SEMA3D: variants seen among roughly 807,000 people sequenced by gnomAD.
The protein encoded by SEMA3D is semaphorin-3D.
Under a neutral mutation model 100.1 loss-of-function variants are expected in SEMA3D, and 84 were observed. The ratio of observed to expected loss-of-function variants is 0.84; its 90% confidence interval spans 0.70 to 1.01. SEMA3D has a LOEUF of 1.01. Ranked by LOEUF, SEMA3D falls within the 50% of genes least tolerant of loss-of-function variation. SEMA3D has a pLI of 0.00. For synonymous variants in SEMA3D, 312 were observed against 320.7 expected, an observed-to-expected ratio of 0.97 and a Z score of 0.29; for missense variants, 875 against 934.1, an observed-to-expected ratio of 0.94 and a Z score of 0.82.
chr7:85,237,931 G>A, the SEMA3D span, among the ~76,000 whole-genome samples: 1 of 152,158 alleles, frequency 6.6e-6, no homozygotes, highest in Admixed American at 6.5e-5. Context: ...CCACCATTTG[G>A]TGTTGTCAGT....
At chr7:85,041,579 T>C (rs1351268495) in intron 10 of SEMA3D, 1 of 152,082 alleles carries the variant, frequency 6.6e-6, no homozygotes, top group Non-Finnish European at 1.5e-5. Flanking sequence ...CATTTTTACA[T>C]TACATGGCAA....
chr7:85,065,847 C>T (rs1024514614), intron 7 of SEMA3D, among the ~76,000 whole-genome samples: 1 of 152,184 alleles, frequency 6.6e-6, no homozygotes, highest in Admixed American at 6.6e-5. Flanking sequence ...TCCTCTTTCT[C>T]TTCTCCCCAC....
At chr7:85,144,553 A>G in intron 2 of SEMA3D, 1 of 985,092 alleles carries the variant, frequency 1.0e-6, no homozygotes, top group Non-Finnish European at 1.2e-6. Context: ...AATGAACACA[A>G]TTCTCACAAC....
intron 6 of SEMA3D, among the ~76,000 whole-genome samples, chr7:85,071,686 G>A (rs777309114): frequency 1.4e-4 from 21 of 152,144 alleles, no homozygotes; most frequent in Non-Finnish European, 2.6e-4. Flanking sequence ...TTACAAACAT[G>A]TACAGCTTGT....
the SEMA3D span, among the ~76,000 whole-genome samples, chr7:85,244,337 G>C: frequency 6.6e-6 from 1 of 152,054 alleles, no homozygotes; most frequent in South Asian, 2.1e-4. Flanking sequence ...TCATGAGGGT[G>C]GTACCCTCAT....
intron 2 of SEMA3D, among the ~76,000 whole-genome samples, chr7:85,130,262 A>G (rs1583952368): frequency 6.6e-6 from 1 of 152,164 alleles, no homozygotes; most frequent in East Asian, 1.9e-4. Flanking sequence ...TCAACAATTG[A>G]TGATGACTTA....
chr7:85,066,915 G>T (rs549856322), intron 7 of SEMA3D, among the ~76,000 whole-genome samples: 29 of 108,792 alleles, frequency 2.7e-4, no homozygotes, highest in Non-Finnish European at 3.3e-4. Flanking sequence ...CACACACACA[G>T]AGAGAGAGAG....
intron 2 of SEMA3D, among the ~76,000 whole-genome samples, chr7:85,126,236 T>C (rs372807737): frequency 6.6e-6 from 1 of 152,164 alleles, no homozygotes; most frequent in Non-Finnish European, 1.5e-5. Flanking sequence ...TTTATTCATA[T>C]GCATTGGTTC....
intron 12 of SEMA3D, among the ~76,000 whole-genome samples, chr7:85,034,123 T>C (rs747148253): frequency 1.3e-5 from 2 of 152,058 alleles, no homozygotes; most frequent in East Asian, 3.9e-4. Context: ...TCCTCATCTG[T>C]ATAATGGAAT....
At chr7:85,084,268 T>A (rs1453920766) in intron 4 of SEMA3D, among the ~76,000 whole-genome samples, 2 of 152,238 alleles carry the variant, frequency 1.3e-5, no homozygotes, top group Non-Finnish European at 2.9e-5. Context: ...ATTATTATTT[T>A]TAATTTTGGT....
intron 4 of SEMA3D, among the ~76,000 whole-genome samples, chr7:85,082,764 AG>A (rs1306037579): frequency 6.6e-6 from 1 of 152,246 alleles, no homozygotes; most frequent in African/African-American, 2.4e-5. Flanking sequence ...CATTCAAAAT[AG>A]ACAAATACAA....
chr7:85,162,528 T>G (rs989298489), intron 1 of SEMA3D, among the ~76,000 whole-genome samples: 3 of 152,126 alleles, frequency 2.0e-5, no homozygotes, highest in African/African-American at 7.2e-5. Context: ...AAGAATGACA[T>G]GTCATAGTTG....
chr7:85,207,817 T>A, the SEMA3D span, among the ~76,000 whole-genome samples: 2 of 152,074 alleles, frequency 1.3e-5, no homozygotes, highest in South Asian at 2.1e-4. Context: ...ATGAAATTCA[T>A]CCTTGCCACT....
chr7:85,215,395 G>A, the SEMA3D span, among the ~76,000 whole-genome samples: 3 of 152,098 alleles, frequency 2.0e-5, no homozygotes, highest in Admixed American at 2.0e-4. Flanking sequence ...GTATGACAGA[G>A]CTAGTTATCT....
At chr7:85,168,861 G>T (rs1017474869) in intron 1 of SEMA3D, among the ~76,000 whole-genome samples, 2 of 131,158 alleles carry the variant, frequency 1.5e-5, no homozygotes, top group South Asian at 5.3e-4. Flanking sequence ...AAGAAAGAAA[G>T]AAAGAAAGAA....
At chr7:85,074,629 A>G (rs1791870710) in intron 5 of SEMA3D, among the ~76,000 whole-genome samples, 1 of 148,686 alleles carries the variant, frequency 6.7e-6, no homozygotes, top group African/African-American at 2.5e-5. Flanking sequence ...TGGCATATAT[A>G]TATATATATT....
the SEMA3D span, among the ~76,000 whole-genome samples, chr7:85,218,710 AT>A: frequency 1.1e-3 from 168 of 152,242 alleles, no homozygotes; most frequent in South Asian, 2.9e-3. Flanking sequence ...GTAATATTGT[AT>A]TTCTATCATG....
At chr7:85,076,760 CG>C (rs1791934923) in intron 5 of SEMA3D, among the ~76,000 whole-genome samples, 1 of 152,202 alleles carries the variant, frequency 6.6e-6, no homozygotes, top group South Asian at 2.1e-4. Flanking sequence ...TAGAAGTTCT[CG>C]GACAGGATCC....
intron 12 of SEMA3D, among the ~76,000 whole-genome samples, chr7:85,027,124 T>TA (rs1790412537): frequency 6.6e-6 from 1 of 152,074 alleles, no homozygotes; most frequent in African/African-American, 2.4e-5. Context: ...CTTGATATGT[T>TA]AGAGTAAAAA....
Sources: gnomAD v4.1 joint callset for allele counts (sites outside exome capture counted in the v4.1 genomes callset) on GRCh38, gnomAD v4.1.1 for gene constraint, MANE v1.5 for transcripts, NCBI Gene and HGNC (gene_info 2026-07-23, HGNC 2026-07-21) for gene names.